Variants in ANO4 observed in about 807,000 individuals in gnomAD.
ANO4 encodes the protein anoctamin-4.
ANO4 carries 69 observed loss-of-function variants against 141.9 expected under a neutral mutation model. The ratio of observed to expected loss-of-function variants is 0.49; its 90% CI spans 0.40 to 0.59. The LOEUF (loss-of-function observed/expected upper bound fraction) is 0.59. ANO4 is among the 20% of genes least tolerant of loss of function. The pLI is 0.00. For synonymous variants in ANO4, 350 were observed against 394.3 expected (o/e 0.89, Z 1.33); for missense variants, 894 against 1,162.2 (o/e 0.77, Z 3.36).
At chr12:100,950,190 C>T (rs780427962) in intron 5 of ANO4, among the ~76,000 whole-genome samples, 2 of 152,000 alleles carry the variant, frequency 1.3e-5, no homozygotes, top group East Asian at 1.9e-4. Context: ...ATGTGCACTA[C>T]CCAGATTTCT....
At chr12:100,932,102 G>A (rs570190369) in intron 3 of ANO4, among the ~76,000 whole-genome samples, 5 of 151,686 alleles carry the variant, frequency 3.3e-5, no homozygotes, top group Admixed American at 2.0e-4. Flanking sequence ...ATGAACTGGC[G>A]CTCTAGAGAA....
chr12:101,117,805 T>A (rs1297916701), intron 25 of ANO4, among the ~76,000 whole-genome samples: 1 of 152,194 alleles, frequency 6.6e-6, no homozygotes, highest in Non-Finnish European at 1.5e-5. Flanking sequence ...CCTAGATGCT[T>A]TGACATAGGG....
chr12:100,734,632 G>T (rs530950489), intron 2 of ANO4, among the ~76,000 whole-genome samples: 38 of 152,120 alleles, frequency 2.5e-4, no homozygotes, highest in Non-Finnish European at 5.1e-4. Flanking sequence ...GGAAACTTGC[G>T]CTTTGCCACC....
chr12:100,805,152 C>A (rs2175994), intron 1 of ANO4, among the ~76,000 whole-genome samples: 33 of 152,308 alleles, frequency 2.2e-4, no homozygotes, highest in African/African-American at 7.7e-4. Context: ...AGTCCATTTT[C>A]TATTTTATGC....
chr12:100,894,973 A>G (rs936657714), intron 1 of ANO4, among the ~76,000 whole-genome samples: 4 of 150,982 alleles, frequency 2.6e-5, no homozygotes, highest in Non-Finnish European at 5.9e-5. Flanking sequence ...CTCAAAAAAA[A>G]AAAAAAAAGA....
rs139856107 is a variant in ANO4 at position 100,852,852 on chromosome 12, T to C, written c.-140-48794T>C. The stretch of plus-strand genomic sequence containing the variant: ...AATATTCCAAAACGCAAACTAAAAC[T>C]GTCAGTTACCACTTTGTCCGTCATG... On this transcript the variant is annotated intron_variant, in intron 1 of 27. Transcript: ENST00000392977. Among the ~76,000 whole-genome samples the C allele has an allele frequency of 2.0e-5, 3 of 152,262 alleles. No homozygotes were observed. The East Asian group carries it at 5.8e-4, about 29-fold the overall frequency.
intron 6 of ANO4, among the ~76,000 whole-genome samples, chr12:100,973,518 A>G (rs1318651152): frequency 6.6e-6 from 1 of 152,222 alleles, no homozygotes; most frequent in East Asian, 1.9e-4. Context: ...TTAAATACTT[A>G]TATGTCCATG....
chr12:100,890,589 T>A (rs1565976424), intron 1 of ANO4, among the ~76,000 whole-genome samples: 4 of 152,188 alleles, frequency 2.6e-5, no homozygotes, highest in Non-Finnish European at 5.9e-5. Flanking sequence ...GAGCCCCCAT[T>A]TTCTTATGTT....
chr12:100,928,858 A>G (rs1176116429), intron 3 of ANO4, among the ~76,000 whole-genome samples: 1 of 152,166 alleles, frequency 6.6e-6, no homozygotes, highest in Non-Finnish European at 1.5e-5. Flanking sequence ...GAAACAAGTT[A>G]ATGATCTCAA....
intron 26 of ANO4, among the ~76,000 whole-genome samples, chr12:101,123,438 C>T (rs1477015035): frequency 1.3e-5 from 2 of 152,092 alleles, no homozygotes; most frequent in Non-Finnish European, 2.9e-5. Context: ...GCTCAGCATC[C>T]CTTAGCTATT....
chr12:100,782,377 A>G (rs533788950), intron 3 of ANO4, among the ~76,000 whole-genome samples: 1 of 152,250 alleles, frequency 6.6e-6, no homozygotes, highest in South Asian at 2.1e-4. Flanking sequence ...GCCCTATCTA[A>G]GGTCACCTGA....
intron 1 of ANO4, among the ~76,000 whole-genome samples, chr12:100,894,963 C>CCA (rs2040276967): frequency 9.9e-6 from 1 of 101,164 alleles, no homozygotes; most frequent in African/African-American, 4.3e-5. Flanking sequence ...GAGACTCCAT[C>CCA]TCAAAAAAAA....
chr12:100,814,353 C>T (rs1473412039), intron 1 of ANO4, among the ~76,000 whole-genome samples: 6 of 152,060 alleles, frequency 3.9e-5, no homozygotes, highest in South Asian at 4.1e-4. Context: ...CACCCCAATA[C>T]GATTTATCAT....
intron 3 of ANO4, among the ~76,000 whole-genome samples, chr12:100,930,711 T>A (rs972939961): frequency 2.6e-5 from 4 of 152,190 alleles, no homozygotes; most frequent in Non-Finnish European, 4.4e-5. Context: ...CCGCAGGTTC[T>A]TTAGGGAGAT....
At chr12:100,936,253 G>A (rs987804972) in intron 3 of ANO4, among the ~76,000 whole-genome samples, 5 of 152,086 alleles carry the variant, frequency 3.3e-5, no homozygotes, top group Admixed American at 3.3e-4. Flanking sequence ...TGAAGAGTAG[G>A]AATTCTCAAC....
At chr12:100,800,969 C>T (rs1467939368) in intron 1 of ANO4, among the ~76,000 whole-genome samples, 2 of 152,250 alleles carry the variant, frequency 1.3e-5, no homozygotes, top group East Asian at 1.9e-4. Context: ...AATTTGATGT[C>T]ATCTCCCTTG....
intron 8 of ANO4, among the ~76,000 whole-genome samples, chr12:101,006,227 C>A (rs533780854): frequency 9.2e-5 from 14 of 152,242 alleles, no homozygotes; most frequent in African/African-American, 3.1e-4. Context: ...CGTTAGAATA[C>A]CTGGGAGTAA....
intron 3 of ANO4, among the ~76,000 whole-genome samples, chr12:100,769,802 C>T (rs1211138860): frequency 2.6e-5 from 4 of 152,058 alleles, no homozygotes; most frequent in African/African-American, 7.2e-5. Context: ...TGCCACAAGC[C>T]GTCTCTTATG....
chr12:100,777,350 C>T (rs959465695), intron 3 of ANO4, among the ~76,000 whole-genome samples: 1 of 146,378 alleles, frequency 6.8e-6, no homozygotes, highest in Non-Finnish European at 1.5e-5. Context: ...AGCTCCGGAC[C>T]TCAGGTGATC....
Sources: gnomAD v4.1 joint callset for allele counts (sites outside exome capture counted in the v4.1 genomes callset) on GRCh38, gnomAD v4.1.1 for gene constraint, MANE v1.5 for transcripts, NCBI Gene and HGNC (gene_info 2026-07-23, HGNC 2026-07-21) for gene names.